KCNMA1: variants seen among roughly 807,000 people sequenced by gnomAD.
The protein encoded by KCNMA1 is Calcium-activated potassium channel subunit alpha-1.
KCNMA1 carries 29 observed loss-of-function variants against 140.0 expected under a neutral mutation model. That is an observed-to-expected ratio of 0.21 (90% CI 0.15 to 0.28). The LOEUF is 0.28. Among genes scored for constraint, KCNMA1 ranks in the 10% least tolerant of loss-of-function variants. The pLI, the probability that KCNMA1 is intolerant of heterozygous loss-of-function variation, is 1.00. For missense variants in KCNMA1, 880 were observed against 1,602.2 expected (o/e 0.55, Z 7.70); for synonymous variants, 612 against 611.9 (o/e 1.00, Z 0.00).
At chr10:77,382,980 GTGTGTGTGTGTGTGTATATATATATA>G (rs1296081014) in intron 2 of KCNMA1, among the ~76,000 whole-genome samples, 5 of 73,002 alleles carry the variant, frequency 6.8e-5, no homozygotes, top group Non-Finnish European at 1.1e-4. Flanking sequence ...GTGTGTGTGT[GTGTGTGTGTGTGTGTATATATATATA>G]TATATATATA....
At chr10:76,944,431 C>G (rs1015275034) in intron 23 of KCNMA1, among the ~76,000 whole-genome samples, 2 of 152,174 alleles carry the variant, frequency 1.3e-5, no homozygotes, top group Non-Finnish European at 2.9e-5. Flanking sequence ...AGGAAACGGT[C>G]AGAATTGTGC....
chr10:77,213,688 T>C (rs1415153761), intron 3 of KCNMA1, among the ~76,000 whole-genome samples: 1 of 152,102 alleles, frequency 6.6e-6, no homozygotes, highest in Non-Finnish European at 1.5e-5. Flanking sequence ...CCACCAGAAG[T>C]GCTGGCCTCC....
chr10:76,987,322 A>G (rs1449221374), intron 19 of KCNMA1, among the ~76,000 whole-genome samples: 1 of 152,122 alleles, frequency 6.6e-6, no homozygotes, highest in Non-Finnish European at 1.5e-5. Context: ...CAGAAAAGAG[A>G]TTCACTTTTT....
chr10:76,880,890 G>A (rs772745300), downstream of KCNMA1, among the ~76,000 whole-genome samples: 11 of 152,318 alleles, frequency 7.2e-5, no homozygotes, highest in Non-Finnish European at 1.3e-4. Context: ...GCAATTGATC[G>A]GGGTGGGAGG....
chr10:77,044,126 C>T (rs1375219957), intron 14 of KCNMA1, among the ~76,000 whole-genome samples: 2 of 152,058 alleles, frequency 1.3e-5, no homozygotes, highest in Non-Finnish European at 2.9e-5. Context: ...ACGAATAGGC[C>T]AATCACATCA....
At position 77,297,688 on chromosome 10, in the gene KCNMA1, A is replaced by C. The variant is rs554971093; in HGVS notation, c.541-46432T>G. Among the ~76,000 whole-genome samples the C allele has an allele frequency of 1.6e-4, 24 of 152,350 alleles. No individual in the cohort carries two copies. In the South Asian group the frequency reaches 4.1e-3, roughly 26 times the overall value. ...CTCCCCAAGACAGATGGTATAAAGG[A>C]GACGACCTCTACCTATGAAAGGAAG... On this transcript the variant is annotated intron_variant, in intron 2 of 27. Transcript: ENST00000286628.
At chr10:77,576,912 G>A (rs929542393) in intron 1 of KCNMA1, among the ~76,000 whole-genome samples, 1 of 152,324 alleles carries the variant, frequency 6.6e-6, no homozygotes, top group African/African-American at 2.4e-5. Flanking sequence ...GTTAGGCACT[G>A]TGTGAAATGC....
In KCNMA1 at chr10:76,884,956, G is replaced by C; in HGVS notation, c.*2310C>G. On this transcript the variant is annotated 3_prime_UTR_variant, in exon 28 of 28. Transcript: ENST00000286628. ...GTTATAGAAGAAAACCCCCAGCAGT[G>C]GCTAGGTCATGCAGAACCATTAATT... 2 of 1,538,182 alleles carry C rather than the reference G, an allele frequency of 1.3e-6. No homozygotes were observed. The highest frequency in any genetic ancestry group is 1.8e-6 in the Non-Finnish European group (2 of 1,141,376).
chr10:77,202,367 A>T (rs1023943605), intron 3 of KCNMA1, among the ~76,000 whole-genome samples: 3 of 152,232 alleles, frequency 2.0e-5, no homozygotes, highest in Admixed American at 6.5e-5. Flanking sequence ...TAGGTCGTTA[A>T]TGTAATAAGC....
At chr10:77,035,786 G>A (rs1327741389) in intron 15 of KCNMA1, among the ~76,000 whole-genome samples, 2 of 152,180 alleles carry the variant, frequency 1.3e-5, no homozygotes, top group Admixed American at 1.3e-4. Flanking sequence ...AAGGTAGAAG[G>A]AAAAGGAGAG....
chr10:77,322,626 A>C (rs60974129), intron 2 of KCNMA1, among the ~76,000 whole-genome samples: 2,444 of 152,310 alleles, frequency 0.016, 60 homozygotes, highest in African/African-American at 0.056. Context: ...CCTTAGAAAC[A>C]GAATGAAAGT....
chr10:77,341,828 C>A (rs1251950000), intron 2 of KCNMA1, among the ~76,000 whole-genome samples: 1 of 152,230 alleles, frequency 6.6e-6, no homozygotes, highest in African/African-American at 2.4e-5. Flanking sequence ...CCTTTCTGGC[C>A]TACCCCAGGA....
intron 18 of KCNMA1, among the ~76,000 whole-genome samples, chr10:77,005,176 T>C (rs1485269256): frequency 6.6e-6 from 1 of 152,188 alleles, no homozygotes. Context: ...CAGTTGGAAC[T>C]AGCCTTTCTC....
intron 23 of KCNMA1, among the ~76,000 whole-genome samples, chr10:76,923,428 CAAAAAAA>C (rs926235292): frequency 3.4e-5 from 3 of 89,198 alleles, no homozygotes; most frequent in East Asian, 4.5e-4. Flanking sequence ...GACTCCGTCT[CAAAAAAA>C]AAAAAAAAAA....
At chr10:77,037,365 C>T (rs2094403898) in intron 15 of KCNMA1, among the ~76,000 whole-genome samples, 1 of 152,218 alleles carries the variant, frequency 6.6e-6, no homozygotes, top group African/African-American at 2.4e-5. Flanking sequence ...CTTGCATTGT[C>T]ACATTAGATT....
At chr10:77,497,209 T>C (rs2042263667) in intron 1 of KCNMA1, among the ~76,000 whole-genome samples, 1 of 152,232 alleles carries the variant, frequency 6.6e-6, no homozygotes, top group African/African-American at 2.4e-5. Context: ...GGCTTTATTA[T>C]CAACTGTCTT....
At chr10:77,520,364 G>A (rs1233080391) in intron 1 of KCNMA1, among the ~76,000 whole-genome samples, 1 of 151,814 alleles carries the variant, frequency 6.6e-6, no homozygotes, top group African/African-American at 2.4e-5. Context: ...GTCTGGGGCT[G>A]GCTCCAGTTG....
At chr10:76,995,471 T>C (rs1398667817) in intron 19 of KCNMA1, 1 of 435,822 alleles carries the variant, frequency 2.3e-6, no homozygotes, top group Non-Finnish European at 4.8e-6. Flanking sequence ...AACCTCTGCT[T>C]GTTCATCAGT....
chr10:77,053,271 C>T (rs763759182), intron 14 of KCNMA1, among the ~76,000 whole-genome samples: 103 of 152,184 alleles, frequency 6.8e-4, no homozygotes, highest in Non-Finnish European at 1.3e-3. Flanking sequence ...CAGTCAACAC[C>T]AGTGCAGAGC....
Sources: gnomAD v4.1 joint callset for allele counts (sites outside exome capture counted in the v4.1 genomes callset) on GRCh38, gnomAD v4.1.1 for gene constraint, MANE v1.5 for transcripts, NCBI Gene and HGNC (gene_info 2026-07-23, HGNC 2026-07-21) for gene names.